The following CHL1 variants were observed in gnomAD, a reference collection of about 807,000 sequenced individuals.
CHL1 encodes neural cell adhesion molecule L1-like protein.
In CHL1, 96 loss-of-function variants were observed where a neutral mutation model predicts 141.9. That is an observed-to-expected ratio of 0.68 (90% CI 0.57 to 0.80). The LOEUF (loss-of-function observed/expected upper bound fraction) is 0.80. CHL1 is among the 30% of genes least tolerant of loss of function. The probability of loss-of-function intolerance (pLI) is 0.00; values close to 1 mark genes in which losing one functional copy is unlikely to be tolerated. For synonymous variants in CHL1, 613 were observed against 502.2 expected, an observed-to-expected ratio of 1.22 and a Z score of -2.95; for missense variants, 1,820 against 1,457.2, an observed-to-expected ratio of 1.25 and a Z score of -4.05.
At position 390,832 on chromosome 3, in the gene CHL1, G is replaced by A. The variant is rs774833438; in HGVS notation, c.2586+16G>A. On this transcript the variant is annotated intron_variant, in intron 21 of 27. Transcript: ENST00000256509. The stretch of plus-strand genomic sequence containing the variant: ...AGGCTATCAGGTTTTTATCATCATG[G>A]TTTTTCCTCTTCTTGTTGAATTGGT... 1.3e-6 allele frequency: 2 copies of A among 1,541,100 alleles called. No homozygotes were observed. The highest frequency in any genetic ancestry group is 2.2e-5 in the East Asian group (1 of 44,500).
chr3:239,662 AG>A (rs1441811624), intron 1 of CHL1, among the ~76,000 whole-genome samples: 1 of 151,390 alleles, frequency 6.6e-6, no homozygotes, highest in Non-Finnish European at 1.5e-5. Flanking sequence ...TGGTTGCGTA[AG>A]TTCTTTTATG....
intron 8 of CHL1, 56 bp downstream of exon 8, chr3:343,087 G>T (rs1702468474): frequency 1.4e-6 from 2 of 1,406,162 alleles, no homozygotes; most frequent in African/African-American, 2.9e-5. Context: ...TGTCATCTCA[G>T]ATTTTGAATT....
At chr3:229,633 T>A (rs1200704886) in intron 1 of CHL1, among the ~76,000 whole-genome samples, 2 of 152,150 alleles carry the variant, frequency 1.3e-5, no homozygotes, top group Non-Finnish European at 2.9e-5. Flanking sequence ...ATTTTCCACA[T>A]AATAGCTTAG....
At chr3:356,027 C>A (rs1446543352) in intron 11 of CHL1, among the ~76,000 whole-genome samples, 1 of 152,110 alleles carries the variant, frequency 6.6e-6, no homozygotes, top group African/African-American at 2.4e-5. Context: ...CGGGGACTGC[C>A]ACAAAAACAG....
At chr3:349,894 T>C (rs1184500403) in intron 10 of CHL1, among the ~76,000 whole-genome samples, 2 of 152,178 alleles carry the variant, frequency 1.3e-5, no homozygotes, top group Non-Finnish European at 2.9e-5. Flanking sequence ...GTAAGGATTA[T>C]GATGAAAGGA....
intron 27 of CHL1, among the ~76,000 whole-genome samples, chr3:402,738 A>G (rs1054900759): frequency 1.3e-5 from 2 of 152,100 alleles, no homozygotes; most frequent in African/African-American, 4.8e-5. Flanking sequence ...CCCTTTTTAT[A>G]TTTTTATATT....
intron 15 of CHL1, among the ~76,000 whole-genome samples, chr3:368,108 T>C (rs1705143023): frequency 6.6e-6 from 1 of 152,234 alleles, no homozygotes; most frequent in African/African-American, 2.4e-5. Context: ...GTTGGGTATA[T>C]ACCAAGTAAT....
intron 15 of CHL1, among the ~76,000 whole-genome samples, chr3:372,434 C>T (rs1705757732): frequency 1.3e-5 from 2 of 152,108 alleles, no homozygotes; most frequent in Non-Finnish European, 2.9e-5. Flanking sequence ...ATGAAGTTCT[C>T]CTGCTGTGTT....
At chr3:372,078 T>C (rs1004049011) in intron 15 of CHL1, among the ~76,000 whole-genome samples, 4 of 152,118 alleles carry the variant, frequency 2.6e-5, no homozygotes, top group Admixed American at 6.5e-5. Flanking sequence ...CTGATGATTA[T>C]GTGTCTTAGG....
chr3:399,627 C>CA (rs1381149037), intron 26 of CHL1, among the ~76,000 whole-genome samples: 1 of 151,952 alleles, frequency 6.6e-6, no homozygotes, highest in African/African-American at 2.4e-5. Context: ...GCGACAAGAG[C>CA]AAAAACTCCA....
At chr3:307,352 T>C (rs558960195) in intron 2 of CHL1, among the ~76,000 whole-genome samples, 1 of 152,312 alleles carries the variant, frequency 6.6e-6, no homozygotes, top group South Asian at 2.1e-4. Flanking sequence ...CACAGAATTA[T>C]ACCCTGTATT....
chr3:217,879 A>G (rs1700460664), intron 1 of CHL1, among the ~76,000 whole-genome samples: 1 of 152,346 alleles, frequency 6.6e-6, no homozygotes. Flanking sequence ...CATGCAGAGT[A>G]GATTGCAATG....
intron 3 of CHL1, among the ~76,000 whole-genome samples, chr3:322,903 C>G (rs543264522): frequency 1.3e-5 from 2 of 151,226 alleles, no homozygotes; most frequent in Middle Eastern, 3.4e-3. Context: ...CAAAGCAAAA[C>G]AAAAACAGTT....
intron 5 of CHL1, among the ~76,000 whole-genome samples, chr3:339,635 A>G (rs899674765): frequency 6.6e-6 from 1 of 152,186 alleles, no homozygotes; most frequent in Non-Finnish European, 1.5e-5. Flanking sequence ...CCTTGAATTT[A>G]GACAAAAAGC....
At chr3:257,688 G>A (rs754730897) in intron 2 of CHL1, among the ~76,000 whole-genome samples, 2 of 152,070 alleles carry the variant, frequency 1.3e-5, no homozygotes, top group Non-Finnish European at 2.9e-5. Context: ...CTCAAAATCA[G>A]AGATTCAGCT....
At chr3:235,921 G>A (rs1691929292) in intron 1 of CHL1, among the ~76,000 whole-genome samples, 1 of 152,176 alleles carries the variant, frequency 6.6e-6, no homozygotes, top group African/African-American at 2.4e-5. Flanking sequence ...AGCACCTCCA[G>A]AAGAGGGCCT....
intron 2 of CHL1, among the ~76,000 whole-genome samples, chr3:276,912 A>AG (rs1296546718): frequency 6.7e-6 from 1 of 150,310 alleles, no homozygotes; most frequent in East Asian, 2.0e-4. Flanking sequence ...AAAAAAAAAA[A>AG]AAAAGAGTAT....
chr3:202,730 A>G (rs1699069860), intron 1 of CHL1, among the ~76,000 whole-genome samples: 1 of 152,232 alleles, frequency 6.6e-6, no homozygotes, highest in African/African-American at 2.4e-5. Flanking sequence ...AAGAGAAAAA[A>G]TGCTCTGGCA....
At chr3:255,545 G>A (rs538487083) in intron 2 of CHL1, among the ~76,000 whole-genome samples, 1 of 152,092 alleles carries the variant, frequency 6.6e-6, no homozygotes. Context: ...CTGTACTGCT[G>A]TATGTGTGGG....
Sources: gnomAD v4.1 joint callset for allele counts (sites outside exome capture counted in the v4.1 genomes callset) on GRCh38, gnomAD v4.1.1 for gene constraint, MANE v1.5 for transcripts, NCBI Gene and HGNC (gene_info 2026-07-23, HGNC 2026-07-21) for gene names.